SOX6: variants seen among roughly 807,000 people sequenced by gnomAD.
SOX6 encodes transcription factor SOX-6.
In SOX6, 11 loss-of-function variants were observed where a neutral mutation model predicts 97.8. The ratio of observed to expected loss-of-function variants is 0.11; its 90% CI spans 0.07 to 0.19. The LOEUF (loss-of-function observed/expected upper bound fraction) is 0.19, where lower values mean the gene tolerates loss of function less well. Among genes scored for constraint, SOX6 ranks in the 10% least tolerant of loss-of-function variants. The pLI, the probability that SOX6 is intolerant of heterozygous loss-of-function variation, is 1.00. For missense variants in SOX6, 810 were observed against 1,039.5 expected, an observed-to-expected ratio of 0.78 and a Z score of 3.04; for synonymous variants, 360 against 371.4, an observed-to-expected ratio of 0.97 and a Z score of 0.35.
chr11:16,092,255 G>C (rs1039248680), intron 9 of SOX6, among the ~76,000 whole-genome samples: 9 of 151,798 alleles, frequency 5.9e-5, no homozygotes, highest in African/African-American at 1.7e-4. Flanking sequence ...AAGTGTTTTG[G>C]GGGGGACAGG....
chr11:16,011,645 A>G (rs1464063796), intron 13 of SOX6, among the ~76,000 whole-genome samples: 1 of 152,042 alleles, frequency 6.6e-6, no homozygotes, highest in Non-Finnish European at 1.5e-5. Context: ...TGTCATTTTC[A>G]TGGCTGGCAG....
intron 3 of SOX6, among the ~76,000 whole-genome samples, chr11:16,306,213 G>C (rs959786460): frequency 6.6e-6 from 1 of 152,110 alleles, no homozygotes; most frequent in African/African-American, 2.4e-5. Context: ...TATTACCGCT[G>C]GGGGAAACCG....
chr11:16,649,741 C>T (rs965694786), intron 3 of SOX6, among the ~76,000 whole-genome samples: 2 of 151,480 alleles, frequency 1.3e-5, no homozygotes, highest in African/African-American at 4.9e-5. Flanking sequence ...TTTAAGGCAA[C>T]AATTAACGTG....
At chr11:16,655,701 C>T (rs577590210) in intron 3 of SOX6, among the ~76,000 whole-genome samples, 1 of 152,140 alleles carries the variant, frequency 6.6e-6, no homozygotes, top group Non-Finnish European at 1.5e-5. Flanking sequence ...GTTAGCATTG[C>T]TGATCTTTCT....
At chr11:16,095,519 C>A (rs761380386) in intron 9 of SOX6, among the ~76,000 whole-genome samples, 6 of 151,814 alleles carry the variant, frequency 4.0e-5, no homozygotes, top group Non-Finnish European at 7.4e-5. Flanking sequence ...GGGCAATAAC[C>A]TTGACTCAAC....
At chr11:16,287,949 C>A (rs1218503222) in intron 3 of SOX6, among the ~76,000 whole-genome samples, 1 of 152,088 alleles carries the variant, frequency 6.6e-6, no homozygotes. Flanking sequence ...AGCTCACATA[C>A]ATTTAATCTG....
intron 4 of SOX6, among the ~76,000 whole-genome samples, chr11:16,573,813 G>A (rs1847959407): frequency 6.6e-6 from 1 of 152,076 alleles, no homozygotes; most frequent in Non-Finnish European, 1.5e-5. Flanking sequence ...TACCTGTTAT[G>A]AAACACTAAA....
intron 4 of SOX6, among the ~76,000 whole-genome samples, chr11:16,497,901 T>C (rs914659595): frequency 6.6e-6 from 1 of 152,172 alleles, no homozygotes; most frequent in South Asian, 2.1e-4. Flanking sequence ...CTGCAGGATA[T>C]TATCCAGGAG....
intron 6 of SOX6, among the ~76,000 whole-genome samples, chr11:16,173,775 GT>G (rs1477838268): frequency 2.0e-5 from 3 of 150,780 alleles, no homozygotes; most frequent in Non-Finnish European, 3.0e-5. Flanking sequence ...TTTTTCTGTA[GT>G]TTTTTCTTAA....
chr11:16,173,423 C>T (rs902090275), intron 6 of SOX6, among the ~76,000 whole-genome samples: 2 of 151,820 alleles, frequency 1.3e-5, no homozygotes, highest in Non-Finnish European at 2.9e-5. Context: ...CATATCAATG[C>T]AGTATCTTTC....
intron 12 of SOX6, among the ~76,000 whole-genome samples, chr11:16,017,265 T>C (rs1018873639): frequency 2.0e-5 from 3 of 151,996 alleles, no homozygotes; most frequent in Admixed American, 6.6e-5. Flanking sequence ...TCTAACTTCA[T>C]TGAAAAAAAA....
At position 16,111,865 on chromosome 11, in the gene SOX6, A is replaced by G; in HGVS notation, c.836T>C (p.Leu279Pro). The G allele has an allele frequency of 6.2e-7, 1 of 1,612,804 alleles. No homozygotes were observed. Among genetic ancestry groups the G allele is most frequent in the Non-Finnish European group, 8.5e-7 (1 of 1,179,908 alleles). The stretch of plus-strand genomic sequence containing the variant: ...CTGTTGGGCAGCAGCAGCTGCTGCC[A>G]GAGTCCGCTGGTCATGTGGAAAAAT... ...IPIFPHDQRT[L>P]AAAAAAQQGF... is the part of the protein sequence containing the mutation. The change falls in exon 7 of 16, where the codon CTG (leucine) becomes CCG (proline). Residue 279 changes from leucine (L) to proline (P), a missense_variant. Leu to Pro is a moderately conservative substitution (Grantham distance 98, BLOSUM62 -3). Transcript: ENST00000683767.
At chr11:16,378,558 C>T (rs565682472) in intron 1 of SOX6, among the ~76,000 whole-genome samples, 2 of 152,098 alleles carry the variant, frequency 1.3e-5, no homozygotes, top group South Asian at 4.2e-4. Context: ...AATGATATGA[C>T]TAACATTGTT....
chr11:16,518,439 C>T (rs1357826880), intron 4 of SOX6, among the ~76,000 whole-genome samples: 1 of 152,174 alleles, frequency 6.6e-6, no homozygotes, highest in Non-Finnish European at 1.5e-5. Context: ...TTTGCTTAGA[C>T]AGACAAGTTT....
intron 3 of SOX6, among the ~76,000 whole-genome samples, chr11:16,635,737 G>A (rs1219210557): frequency 3.9e-5 from 6 of 152,136 alleles, no homozygotes; most frequent in Admixed American, 3.9e-4. Flanking sequence ...GAGGTCCAGG[G>A]CCCCCCTCTT....
At position 15,993,814 on chromosome 11, in the gene SOX6, G is replaced by A. The variant is rs933248962; in HGVS notation, c.1733-4584C>T. Among the ~76,000 whole-genome samples the A allele has an allele frequency of 2.0e-5, 3 of 152,158 alleles. 1 individual carries two copies. Among genetic ancestry groups the A allele is most frequent in the African/African-American group, 7.2e-5 (3 of 41,434 alleles). ...TGATTTAAAGAGAAGACGAAATTGA[G>A]TTTTTCCAGGTGGGTTGGAAAGAAG... is the stretch of plus-strand genomic sequence containing the variant. On this transcript the variant is annotated intron_variant, in intron 13 of 15. Coordinates refer to ENST00000683767, the MANE Select transcript of SOX6 (RefSeq NM_001367873.1).
chr11:16,275,322 C>T (rs2134235332), intron 3 of SOX6, among the ~76,000 whole-genome samples: 1 of 147,254 alleles, frequency 6.8e-6, no homozygotes, highest in South Asian at 2.1e-4. Context: ...GGTGTGGTGG[C>T]GGGTGCCTCT....
At chr11:16,651,390 A>T (rs914818773) in intron 3 of SOX6, among the ~76,000 whole-genome samples, 3 of 152,212 alleles carry the variant, frequency 2.0e-5, no homozygotes, top group Admixed American at 6.5e-5. Context: ...ATATTAGCTA[A>T]CTGAATCCAA....
At chr11:16,715,397 T>C (rs925066849) in intron 2 of SOX6, among the ~76,000 whole-genome samples, 1 of 152,218 alleles carries the variant, frequency 6.6e-6, no homozygotes, top group Admixed American at 6.5e-5. Context: ...GATTCACATT[T>C]GTGACTCAGA....
Sources: allele counts gnomAD v4.1 joint callset (sites outside exome capture counted in the v4.1 genomes callset), GRCh38; gene constraint gnomAD v4.1.1; transcripts MANE v1.5; gene names NCBI Gene and HGNC (gene_info 2026-07-23, HGNC 2026-07-21).